Variants in SMC2 observed in about 807,000 individuals in gnomAD.
SMC2 encodes structural maintenance of chromosomes protein 2.
SMC2 carries 41 observed loss-of-function variants against 142.6 expected under a neutral mutation model. The observed-to-expected ratio is 0.29, with a 90% CI of 0.22 to 0.37. The LOEUF (loss-of-function observed/expected upper bound fraction) is 0.37. SMC2 is among the 10% of genes least tolerant of loss of function. The pLI is 1.00. For synonymous variants in SMC2, 463 were observed against 457.5 expected (o/e 1.01, Z -0.15); for missense variants, 1,265 against 1,373.7 (o/e 0.92, Z 1.25).
Position 104,111,808 on chromosome 9 carries a change from C to T in SMC2, c.1248C>T (p.Ala416=). ...ATATAAGTAAAGCTCAGACAGAAGC[C>T]AAACAGGTAAATAGAGACATTAGCA... ...KNDISKAQTE[A]KQAQMKLKHA... The change falls in exon 10 of 25, where the codon GCC becomes GCT. Residue 416 remains alanine, a synonymous_variant. Coordinates refer to ENST00000374793, the MANE Select transcript of SMC2 (RefSeq NM_006444.3). 1 of 1,609,928 alleles carries T rather than the reference C, an allele frequency of 6.2e-7. No homozygotes were observed. Among genetic ancestry groups the T allele is most frequent in the Non-Finnish European group, 8.5e-7 (1 of 1,177,502 alleles).
chr9:104,107,901 T>C (rs968715205), intron 9 of SMC2, among the ~76,000 whole-genome samples: 1 of 152,196 alleles, frequency 6.6e-6, no homozygotes, highest in Non-Finnish European at 1.5e-5. Flanking sequence ...TAAGAGGTTT[T>C]GGGTAAGTCT....
At position 104,094,498 on chromosome 9, in the gene SMC2, C is replaced by T. The variant is rs1587872531; in HGVS notation, c.-62+21C>T. 7 of 186,246 alleles carry T rather than the reference C, an allele frequency of 3.8e-5. No individual in the cohort carries two copies. The East Asian group carries it at 1.2e-3, about 31-fold the overall frequency. The allele number at this position is 186,246 out of a possible 1,614,324, so 11.5% of individuals were successfully genotyped here. A position where few individuals can be genotyped will look rare whatever the true frequency, so the allele number is the denominator to read the frequency against. On this transcript the variant is annotated intron_variant, in intron 1 of 24. Transcript: ENST00000374793. The stretch of plus-strand genomic sequence containing the variant: ...CAGCGGTGAGGCGTGTGCGTGAGCA[C>T]GGCCGGTTGGGCCGGGCCAGACTTC...
intron 9 of SMC2, among the ~76,000 whole-genome samples, chr9:104,107,320 G>A (rs1410653832): frequency 6.6e-6 from 1 of 152,148 alleles, no homozygotes; most frequent in Non-Finnish European, 1.5e-5. Flanking sequence ...ATATCAGGTG[G>A]CTGCCTCAAG....
At chr9:104,109,064 A>C (rs1832135127) in intron 9 of SMC2, among the ~76,000 whole-genome samples, 1 of 152,204 alleles carries the variant, frequency 6.6e-6, no homozygotes, top group Non-Finnish European at 1.5e-5. Flanking sequence ...TCTTCAACTG[A>C]GAAAGGGAGA....
At chr9:104,137,945 C>A in intron 23 of SMC2, 73 bp from the exon 24 acceptor site, 1 of 1,081,200 alleles carries the variant, frequency 9.2e-7, no homozygotes, top group Non-Finnish European at 1.3e-6. Flanking sequence ...ATAATAGGAT[C>A]ACATATTTGC....
chr9:104,099,696 T>A lies in SMC2; in HGVS notation c.480+14T>A. 1 of 1,467,810 alleles carries A rather than the reference T, an allele frequency of 6.8e-7. No individual in the cohort carries two copies. The highest frequency in any genetic ancestry group is 9.5e-7 in the Non-Finnish European group (1 of 1,050,724). 90.9% of individuals were successfully genotyped at this position (1,467,810 alleles called of 1,614,324 possible). A position where few individuals can be genotyped will look rare whatever the true frequency, so the allele number is the denominator to read the frequency against. On this transcript the variant is annotated intron_variant, in intron 5 of 24. Transcript: ENST00000374793. ...AAACCTCCAGAGGTAAGAGTACTAT[T>A]TATGGACATTAAAAATAGTTGGTAT...
Position 104,127,336 on chromosome 9 carries a change from A to G in SMC2, c.2646A>G (p.Ile882Met). 1 of 1,607,892 alleles carries G rather than the reference A, an allele frequency of 6.2e-7. No homozygotes were observed. Among genetic ancestry groups the G allele is most frequent in the Non-Finnish European group, 8.5e-7 (1 of 1,176,662 alleles). The change falls in exon 20 of 25, where the codon ATA becomes ATG. Residue 882 changes from isoleucine to methionine, a missense_variant. Physicochemically the swap from Ile to Met is conservative, Grantham distance 10. This residue lies in a region of SMC2 where 898 missense variants were observed against 904.2 expected (regional missense o/e 0.99). Coordinates refer to ENST00000374793, the MANE Select transcript of SMC2 (RefSeq NM_006444.3). ...QEEVTKQKEVITAQDTVIKAK... is the reference protein window; with the variant it reads ...QEEVTKQKEVMTAQDTVIKAK... ...AGGTGACCAAGCAAAAAGAGGTGAT[A>G]ACAGCCCAAGACACTGTAATTAAAG...
chr9:104,110,110 TTGTGGTTCTCG>T (rs1832258833), intron 9 of SMC2, among the ~76,000 whole-genome samples: 1 of 152,210 alleles, frequency 6.6e-6, no homozygotes. Context: ...AAGTGATCTC[TTGTGGTTCTCG>T]TGTATTTTTC....
intron 1 of SMC2, 139 bp from the exon 2 acceptor site, chr9:104,095,185 G>T: frequency 2.0e-6 from 1 of 502,672 alleles, no homozygotes; most frequent in South Asian, 3.3e-5. Context: ...GTAGATGAAC[G>T]ATGTCTTTAC....
At chr9:104,106,621 G>A (rs1184894085) in intron 9 of SMC2, among the ~76,000 whole-genome samples, 2 of 152,190 alleles carry the variant, frequency 1.3e-5, no homozygotes, top group South Asian at 2.1e-4. Flanking sequence ...TCGAACTCCC[G>A]ACCTCAGGTG....
chr9:104,095,874 A>G (rs145729176), intron 2 of SMC2, among the ~76,000 whole-genome samples: 2 of 152,372 alleles, frequency 1.3e-5, no homozygotes, highest in African/African-American at 4.8e-5. Flanking sequence ...TCTTTGGGAC[A>G]GTATTTCCTT....
intron 3 of SMC2, among the ~76,000 whole-genome samples, 157 bp from the exon 4 acceptor site, chr9:104,098,288 GT>G (rs1016355743): frequency 6.9e-4 from 105 of 152,284 alleles, no homozygotes; most frequent in African/African-American, 2.5e-3. Flanking sequence ...TCAAGTTAGC[GT>G]TTTTGACCAT....
At chr9:104,091,312 G>A (rs1272825707), upstream of SMC2, among the ~76,000 whole-genome samples, 1 of 152,172 alleles carries the variant, frequency 6.6e-6, no homozygotes, top group Admixed American at 6.5e-5. Flanking sequence ...AATAATGTAG[G>A]TAACTATAAC....
chr9:104,106,287 T>C (rs1194918957), intron 9 of SMC2, among the ~76,000 whole-genome samples: 1 of 152,202 alleles, frequency 6.6e-6, no homozygotes, highest in Non-Finnish European at 1.5e-5. Flanking sequence ...AAGACATATT[T>C]CTTTCAAGGG....
At chr9:104,095,622 G>T in intron 2 of SMC2, 70 bp downstream of exon 2, 6 of 1,220,592 alleles carry the variant, frequency 4.9e-6, no homozygotes, top group Non-Finnish European at 5.9e-6. Flanking sequence ...CTTTGGAGAC[G>T]TCCCGATATT....
intron 1 of SMC2, 54 bp downstream of exon 1, chr9:104,094,531 G>T: frequency 1.3e-5 from 1 of 78,836 alleles, no homozygotes; most frequent in South Asian, 4.4e-4. Flanking sequence ...TTCCTGGCGG[G>T]AGGCGGGAGG....
At chr9:104,088,944 CTTTT>C in the SMC2 span, among the ~76,000 whole-genome samples, 1 of 150,376 alleles carries the variant, frequency 6.6e-6, no homozygotes, top group Admixed American at 6.6e-5. Context: ...GGAGCACTTT[CTTTT>C]GTCATTGGTT....
chr9:104,141,331 T>G lies in SMC2; in HGVS notation c.*2016T>G, dbSNP rs1267221641. On this transcript the variant is annotated 3_prime_UTR_variant, in exon 25 of 25. Coordinates refer to ENST00000374793, the MANE Select transcript of SMC2 (RefSeq NM_006444.3). ...AGGAGTGTCAGGGCCCATGGACAAA[T>G]CTTGTCAGTCTCCAGAACCTAAGAT... is the stretch of plus-strand genomic sequence containing the variant. The G allele has an allele frequency of 6.6e-6, 1 of 152,142 alleles. No individual in the cohort carries two copies. Among genetic ancestry groups the G allele is most frequent in the Non-Finnish European group, 1.5e-5 (1 of 68,018 alleles). 9.4% of individuals were successfully genotyped at this position (152,142 alleles called of 1,614,324 possible). A position where few individuals can be genotyped will look rare whatever the true frequency, so the allele number is the denominator to read the frequency against.
chr9:104,113,411 T>C lies in SMC2; in HGVS notation c.1350T>C (p.Ala450=). Residue 450 remains alanine (A), a synonymous_variant, in exon 11 of 25, where the codon GCT becomes GCC. Transcript: ENST00000374793. ...MDSGYRKDQE[A]LEAVKRLKEK... The stretch of plus-strand genomic sequence containing the variant: ...GTGGCTACAGGAAGGATCAAGAAGC[T>C]CTAGAAGCTGTAAAAAGACTTAAAG... The C allele has an allele frequency of 6.2e-7, 1 of 1,610,192 alleles. No individual in the cohort carries two copies. Among genetic ancestry groups the C allele is most frequent in the Non-Finnish European group, 8.5e-7 (1 of 1,178,408 alleles).
Sources: allele counts gnomAD v4.1 joint callset (sites outside exome capture counted in the v4.1 genomes callset), GRCh38; gene constraint gnomAD v4.1.1; regional missense constraint gnomAD v4.1.1; transcripts MANE v1.5; gene names NCBI Gene and HGNC (gene_info 2026-07-23, HGNC 2026-07-21).